Variants in NUDCD1 observed in about 807,000 individuals in gnomAD.
The protein encoded by NUDCD1 is nudC domain-containing protein 1.
A neutral mutation model predicts 67.8 loss-of-function variants in NUDCD1; 60 were observed. The ratio of observed to expected loss-of-function variants is 0.88; its 90% confidence interval spans 0.72 to 1.10. The LOEUF is 1.10. NUDCD1 is among the 50% of genes least tolerant of loss of function. The probability of loss-of-function intolerance (pLI) is 0.00; values close to 1 mark genes in which losing one functional copy is unlikely to be tolerated. For synonymous variants in NUDCD1, 244 were observed against 230.8 expected, an observed-to-expected ratio of 1.06 and a Z score of -0.52; for missense variants, 643 against 695.0, an observed-to-expected ratio of 0.93 and a Z score of 0.84.
At chr8:109,268,734 ACAAATAATCTC>A in intron 8 of NUDCD1, among the ~76,000 whole-genome samples, 1 of 152,344 alleles carries the variant, frequency 6.6e-6, no homozygotes, top group Non-Finnish European at 1.5e-5. Flanking sequence ...CATTATTAGA[ACAAATAATCTC>A]CAGTTAAGTC....
chr8:109,293,837 GT>G (rs1161982436), intron 3 of NUDCD1, among the ~76,000 whole-genome samples: 1 of 151,732 alleles, frequency 6.6e-6, no homozygotes, highest in East Asian at 1.9e-4. Flanking sequence ...CCTGTTTTTT[GT>G]TTGTTATTTA....
intron 2 of NUDCD1, among the ~76,000 whole-genome samples, chr8:109,300,882 T>C (rs891514256): frequency 6.6e-6 from 1 of 152,190 alleles, no homozygotes; most frequent in Non-Finnish European, 1.5e-5. Context: ...GAAAAACCTG[T>C]CAGATTAACA....
chr8:109,261,257 G>C (rs1033642891), intron 8 of NUDCD1, among the ~76,000 whole-genome samples: 1 of 151,968 alleles, frequency 6.6e-6, no homozygotes, highest in African/African-American at 2.4e-5. Context: ...TATTGTTATA[G>C]ACATAAAAAT....
At position 109,289,865 on chromosome 8, in the gene NUDCD1, T is replaced by A; in HGVS notation, c.709A>T (p.Ile237Phe). 1 of 1,558,370 alleles carries A rather than the reference T, an allele frequency of 6.4e-7. No homozygotes were observed. The highest frequency in any genetic ancestry group is 2.0e-5 in the Admixed American group (1 of 49,686). Residue 237 changes from isoleucine to phenylalanine, a missense_variant, in exon 5 of 10, where the codon ATT becomes TTT. Physicochemically the swap from Ile to Phe is conservative, Grantham distance 21. Coordinates refer to ENST00000239690, the MANE Select transcript of NUDCD1 (RefSeq NM_032869.4). ...RGKSVPHYAA[I>F]EPDGNGLMIV... ...ATTAGACCATTTCCATCAGGCTCAATAGCAGCATAATGTGGCACTGACTTT... is the reference window on the plus strand; with the variant it reads ...ATTAGACCATTTCCATCAGGCTCAAAAGCAGCATAATGTGGCACTGACTTT...
chr8:109,276,517 T>TGTTA (rs1491407646), intron 6 of NUDCD1, among the ~76,000 whole-genome samples: 5 of 151,852 alleles, frequency 3.3e-5, no homozygotes, highest in African/African-American at 1.2e-4. Flanking sequence ...TTTTCAAGAC[T>TGTTA]GTTACAATCA....
At chr8:109,244,843 C>T (rs756854845) in intron 9 of NUDCD1, among the ~76,000 whole-genome samples, 3 of 152,050 alleles carry the variant, frequency 2.0e-5, no homozygotes, top group South Asian at 2.1e-4. Flanking sequence ...TGCTTATCAC[C>T]GCTTTCCATA....
chr8:109,300,262 T>G (rs1814953673), intron 2 of NUDCD1, among the ~76,000 whole-genome samples: 1 of 152,018 alleles, frequency 6.6e-6, no homozygotes, highest in African/African-American at 2.4e-5. Flanking sequence ...ATTCCTGATT[T>G]ACCTGAAAAA....
At chr8:109,285,183 A>G (rs549772057) in intron 5 of NUDCD1, among the ~76,000 whole-genome samples, 2 of 152,164 alleles carry the variant, frequency 1.3e-5, no homozygotes, top group East Asian at 3.9e-4. Context: ...AAATCTATCA[A>G]CCAAAGAAAG....
intron 2 of NUDCD1, among the ~76,000 whole-genome samples, chr8:109,313,090 A>G (rs1815294592): frequency 6.6e-6 from 1 of 152,160 alleles, no homozygotes; most frequent in Non-Finnish European, 1.5e-5. Context: ...CCTTCCTCCA[A>G]AATCACCCAA....
intron 2 of NUDCD1, among the ~76,000 whole-genome samples, chr8:109,310,288 A>G (rs928653475): frequency 6.6e-6 from 1 of 152,194 alleles, no homozygotes; most frequent in Non-Finnish European, 1.5e-5. Context: ...ACCAATGGAA[A>G]AAAAAAGAGA....
At chr8:109,272,001 A>G (rs1260874990) in intron 7 of NUDCD1, among the ~76,000 whole-genome samples, 1 of 152,186 alleles carries the variant, frequency 6.6e-6, no homozygotes, top group Admixed American at 6.5e-5. Context: ...AAAAAAGCTG[A>G]GAGAATTTAT....
Position 109,334,086 on chromosome 8 carries a change from C to T in NUDCD1, c.-76G>A, listed in dbSNP as rs1449762553. On this transcript the variant is annotated 5_prime_UTR_variant, in exon 1 of 10. Coordinates refer to ENST00000239690, the MANE Select transcript of NUDCD1 (RefSeq NM_032869.4). ...CCGCGCTTCACGCCTCGCACAGAGA[C>T]TGGGAAGCGGCGTGGTTCCCATCCC... 2 of 1,596,158 alleles carry T rather than the reference C, an allele frequency of 1.3e-6. No individual in the cohort carries two copies. Among genetic ancestry groups the T allele is most frequent in the Non-Finnish European group, 1.7e-6 (2 of 1,170,412 alleles).
At chr8:109,278,270 G>T (rs1814343838) in intron 6 of NUDCD1, among the ~76,000 whole-genome samples, 1 of 152,084 alleles carries the variant, frequency 6.6e-6, no homozygotes, top group Non-Finnish European at 1.5e-5. Context: ...ATAAAAGAAA[G>T]TAATTTTAGT....
chr8:109,259,666 T>C (rs1372906146), intron 8 of NUDCD1, among the ~76,000 whole-genome samples: 1 of 152,204 alleles, frequency 6.6e-6, no homozygotes, highest in African/African-American at 2.4e-5. Context: ...GCCTGAATAA[T>C]GCCCTGGCTG....
intron 4 of NUDCD1, among the ~76,000 whole-genome samples, chr8:109,292,125 A>C (rs967831547): frequency 5.9e-5 from 9 of 152,094 alleles, no homozygotes; most frequent in African/African-American, 2.2e-4. Flanking sequence ...AAAACATAAA[A>C]TTCAAATTCC....
chr8:109,288,312 C>T (rs992072735), intron 5 of NUDCD1, among the ~76,000 whole-genome samples: 1 of 152,116 alleles, frequency 6.6e-6, no homozygotes, highest in East Asian at 1.9e-4. Context: ...CTGGGCAGAA[C>T]GGTTCCAAAG....
intron 1 of NUDCD1, 71 bp downstream of exon 1, chr8:109,333,822 C>A (rs1413389927): frequency 2.0e-6 from 3 of 1,506,340 alleles, no homozygotes; most frequent in East Asian, 2.3e-5. Flanking sequence ...AAAGAAATTG[C>A]GGGAAGGGTC....
intron 4 of NUDCD1, among the ~76,000 whole-genome samples, chr8:109,292,223 G>A (rs796806194): frequency 2.6e-5 from 4 of 151,972 alleles, no homozygotes; most frequent in African/African-American, 9.6e-5. Context: ...TGGCATACTC[G>A]GATAGCTGTG....
intron 5 of NUDCD1, among the ~76,000 whole-genome samples, chr8:109,282,079 TG>T (rs1341297242): frequency 6.6e-6 from 1 of 152,152 alleles, no homozygotes; most frequent in Non-Finnish European, 1.5e-5. Context: ...GGGCATTTAG[TG>T]GCTGCCAGGT....
Sources: gnomAD v4.1 joint callset for allele counts (sites outside exome capture counted in the v4.1 genomes callset) on GRCh38, gnomAD v4.1.1 for gene constraint, MANE v1.5 for transcripts, NCBI Gene and HGNC (gene_info 2026-07-23, HGNC 2026-07-21) for gene names.